Variants in PDE4D observed in about 807,000 individuals in gnomAD.
PDE4D encodes the protein phosphodiesterase 4D, also known as 3',5'-cyclic-AMP phosphodiesterase 4D.
Under a neutral mutation model 87.4 loss-of-function variants are expected in PDE4D, and 24 were observed. The observed-to-expected ratio is 0.27, with a 90% confidence interval of 0.20 to 0.39. PDE4D has a LOEUF of 0.39. Ranked by LOEUF, PDE4D falls within the 10% of genes least tolerant of loss-of-function variation. The pLI, the probability that PDE4D is intolerant of heterozygous loss-of-function variation, is 1.00. For missense variants in PDE4D, 714 were observed against 1,041.0 expected (o/e 0.69, Z 4.32); for synonymous variants, 384 against 383.2 (o/e 1.00, Z -0.02).
intron 1 of PDE4D, among the ~76,000 whole-genome samples, chr5:59,781,709 C>T (rs890625940): frequency 1.4e-5 from 2 of 142,196 alleles, no homozygotes; most frequent in African/African-American, 5.2e-5. Flanking sequence ...CGCTTGAATC[C>T]AGGAGGCGGA....
At chr5:59,008,807 T>A (rs1752188393) in intron 6 of PDE4D, among the ~76,000 whole-genome samples, 1 of 152,028 alleles carries the variant, frequency 6.6e-6, no homozygotes, top group Non-Finnish European at 1.5e-5. Context: ...GAGAAGGGAA[T>A]ATGTACAAAA....
intron 5 of PDE4D, chr5:59,039,230 C>G: frequency 8.0e-7 from 1 of 1,248,072 alleles, no homozygotes; most frequent in South Asian, 2.2e-5. Context: ...GTGCAAAGAG[C>G]GGCGAGCCAA....
At chr5:59,991,470 C>T (rs568116292) in intron 2 of PDE4D, among the ~76,000 whole-genome samples, 1 of 152,160 alleles carries the variant, frequency 6.6e-6, no homozygotes, top group South Asian at 2.1e-4. Context: ...TCCATCATCT[C>T]CTTGCAATAA....
At chr5:59,184,379 A>G (rs909508279) in intron 4 of PDE4D, among the ~76,000 whole-genome samples, 2 of 152,204 alleles carry the variant, frequency 1.3e-5, no homozygotes, top group Non-Finnish European at 2.9e-5. Context: ...TAAAGTTCAG[A>G]TTTCTCATTG....
intron 2 of PDE4D, among the ~76,000 whole-genome samples, chr5:60,051,148 C>A (rs1425665391): frequency 6.6e-6 from 1 of 152,066 alleles, no homozygotes; most frequent in Non-Finnish European, 1.5e-5. Flanking sequence ...AGAAAATTAA[C>A]AAGGATATTC....
At chr5:59,713,048 A>G (rs1473168914) in intron 1 of PDE4D, among the ~76,000 whole-genome samples, 1 of 152,184 alleles carries the variant, frequency 6.6e-6, no homozygotes, top group East Asian at 1.9e-4. Context: ...ATAAGCAACT[A>G]TTTTAGGAAT....
At chr5:60,159,202 A>G (rs933938538) in intron 2 of PDE4D, among the ~76,000 whole-genome samples, 10 of 152,148 alleles carry the variant, frequency 6.6e-5, no homozygotes, top group African/African-American at 2.2e-4. Flanking sequence ...TCCCACTGGA[A>G]GGTCTTTAGG....
chr5:60,408,079 C>T (rs868182507), intron 1 of PDE4D, among the ~76,000 whole-genome samples: 2 of 152,118 alleles, frequency 1.3e-5, no homozygotes, highest in Non-Finnish European at 2.9e-5. Context: ...CCACACGGAG[C>T]CATCCTGATC....
At chr5:59,765,312 C>T (rs189212506) in intron 1 of PDE4D, among the ~76,000 whole-genome samples, 18 of 152,232 alleles carry the variant, frequency 1.2e-4, no homozygotes, top group Non-Finnish European at 1.6e-4. Context: ...GGAGGTTTGA[C>T]GAGAGGTTCA....
At chr5:59,581,416 G>T (rs947759476) in intron 1 of PDE4D, among the ~76,000 whole-genome samples, 5 of 152,152 alleles carry the variant, frequency 3.3e-5, no homozygotes, top group Admixed American at 1.3e-4. Flanking sequence ...AAGCAAAAAG[G>T]AGTGGAAAGT....
chr5:60,471,272 T>C (rs930943635), intron 1 of PDE4D, among the ~76,000 whole-genome samples: 2 of 152,206 alleles, frequency 1.3e-5, no homozygotes, highest in African/African-American at 4.8e-5. Flanking sequence ...AATCCCATGA[T>C]AAAATTTGAA....
At chr5:59,380,423 A>AGAAAGAAG (rs1320929125) in intron 1 of PDE4D, among the ~76,000 whole-genome samples, 3 of 149,884 alleles carry the variant, frequency 2.0e-5, no homozygotes, top group Admixed American at 2.0e-4. Context: ...GAAAGAAGTG[A>AGAAAGAAG]GAAAGAAGTA....
chr5:60,054,229 T>C (rs1363022322), intron 2 of PDE4D, among the ~76,000 whole-genome samples: 3 of 152,180 alleles, frequency 2.0e-5, no homozygotes, highest in East Asian at 3.9e-4. Context: ...TAAAGACACA[T>C]GCACATGTAT....
intron 1 of PDE4D, among the ~76,000 whole-genome samples, chr5:59,446,435 T>G (rs947914101): frequency 2.0e-5 from 3 of 152,348 alleles, no homozygotes; most frequent in South Asian, 4.1e-4. Context: ...GCACTTCCAG[T>G]GTGCATAAGA....
chr5:60,339,786 C>T (rs1420641875), intron 1 of PDE4D, among the ~76,000 whole-genome samples: 1 of 152,234 alleles, frequency 6.6e-6, no homozygotes, highest in Admixed American at 6.5e-5. Context: ...TTCACGGCAG[C>T]CATGTGTCTT....
chr5:60,293,834 AT>A (rs1305853949), intron 1 of PDE4D, among the ~76,000 whole-genome samples: 1 of 151,892 alleles, frequency 6.6e-6, no homozygotes, highest in Admixed American at 6.6e-5. Context: ...TTGTTTATTG[AT>A]TCTCTTTTGA....
At chr5:59,699,505 GC>G (rs1192492418) in intron 1 of PDE4D, among the ~76,000 whole-genome samples, 1 of 152,094 alleles carries the variant, frequency 6.6e-6, no homozygotes. Flanking sequence ...TATTAAGACT[GC>G]AGGAAATTAA....
rs114350698 is a variant in PDE4D at position 59,230,233 on chromosome 5, A to C, written c.456-14265T>G. Among the ~76,000 whole-genome samples the C allele has an allele frequency of 8.6e-3, 1,303 of 151,892 alleles. 15 individuals carry two copies. Among genetic ancestry groups the C allele is most frequent in the Non-Finnish European group, 0.01 (686 of 67,940 alleles). On this transcript the variant is annotated intron_variant, in intron 1 of 14. Coordinates refer to ENST00000340635, the MANE Select transcript of PDE4D (RefSeq NM_001104631.2). ...TTCAAAGCTTACTCATAATTCTCAA[A>C]ATTTCTCTTGTTAGTTGCACGTGTT...
At chr5:59,209,078 C>A (rs1749482630) in intron 2 of PDE4D, among the ~76,000 whole-genome samples, 1 of 152,112 alleles carries the variant, frequency 6.6e-6, no homozygotes, top group Non-Finnish European at 1.5e-5. Context: ...AAGATAAATT[C>A]TCTACTCTAG....
Sources: gnomAD v4.1 joint callset for allele counts (sites outside exome capture counted in the v4.1 genomes callset) on GRCh38, gnomAD v4.1.1 for gene constraint, MANE v1.5 for transcripts, NCBI Gene and HGNC (gene_info 2026-07-23, HGNC 2026-07-21) for gene names.